MAP4K4: variants seen among roughly 807,000 people sequenced by gnomAD.
MAP4K4 encodes the protein HPK/GCK-like kinase HGK.
MAP4K4 carries 38 observed loss-of-function variants against 189.6 expected under a neutral mutation model. The ratio of observed to expected loss-of-function variants is 0.20; its 90% CI spans 0.15 to 0.26. MAP4K4 has a LOEUF of 0.26. Among genes scored for constraint, MAP4K4 ranks in the 10% least tolerant of loss-of-function variants. MAP4K4 has a pLI of 1.00. For synonymous variants in MAP4K4, 610 were observed against 624.3 expected, an observed-to-expected ratio of 0.98 and a Z score of 0.34; for missense variants, 1,054 against 1,726.9, an observed-to-expected ratio of 0.61 and a Z score of 6.91.
At chr2:101,840,848 A>G (rs890564604) in intron 10 of MAP4K4, among the ~76,000 whole-genome samples, 1 of 152,260 alleles carries the variant, frequency 6.6e-6, no homozygotes, top group Non-Finnish European at 1.5e-5. Flanking sequence ...TGGTATTCAT[A>G]GTTAAGTCAT....
chr2:101,767,749 C>T (rs1177491125), intron 2 of MAP4K4, among the ~76,000 whole-genome samples: 1 of 152,206 alleles, frequency 6.6e-6, no homozygotes, highest in Admixed American at 6.5e-5. Context: ...CTAACTGACA[C>T]CCAAGTGGAG....
At chr2:101,843,618 T>C (rs1412868681) in intron 11 of MAP4K4, among the ~76,000 whole-genome samples, 4 of 152,118 alleles carry the variant, frequency 2.6e-5, no homozygotes, top group Non-Finnish European at 4.4e-5. Context: ...GTGTAGTGGC[T>C]AATTCGTAGG....
intron 13 of MAP4K4, among the ~76,000 whole-genome samples, chr2:101,856,584 A>G (rs2149788067): frequency 6.6e-6 from 1 of 152,352 alleles, no homozygotes; most frequent in South Asian, 2.1e-4. Context: ...ATATATCAGC[A>G]TGTAATTCTG....
chr2:101,799,705 G>C (rs1055977834), intron 3 of MAP4K4, among the ~76,000 whole-genome samples: 2 of 151,968 alleles, frequency 1.3e-5, no homozygotes, highest in African/African-American at 4.8e-5. Context: ...GGGCTCAAGT[G>C]ATCCTCCTAC....
intron 21 of MAP4K4, among the ~76,000 whole-genome samples, chr2:101,868,624 C>G (rs1422476889): frequency 6.6e-6 from 1 of 152,146 alleles, no homozygotes; most frequent in East Asian, 1.9e-4. Context: ...CTGATGTTCC[C>G]TTTTATACGT....
intron 5 of MAP4K4, among the ~76,000 whole-genome samples, chr2:101,826,589 A>C (rs1403391094): frequency 6.6e-6 from 1 of 152,178 alleles, no homozygotes; most frequent in East Asian, 1.9e-4. Context: ...GGCCAGATGC[A>C]TTTATTCTAT....
intron 3 of MAP4K4, among the ~76,000 whole-genome samples, chr2:101,808,172 A>G (rs900812793): frequency 1.3e-5 from 2 of 152,204 alleles, no homozygotes; most frequent in African/African-American, 4.8e-5. Flanking sequence ...AAGAATGCCC[A>G]TGGCTCCTTA....
At chr2:101,704,129 A>T (rs1403926204) in intron 2 of MAP4K4, among the ~76,000 whole-genome samples, 1 of 152,180 alleles carries the variant, frequency 6.6e-6, no homozygotes, top group Non-Finnish European at 1.5e-5. Context: ...AATTGGAGGT[A>T]AAGACATCCA....
At chr2:101,724,706 G>A (rs1249059144) in intron 2 of MAP4K4, among the ~76,000 whole-genome samples, 1 of 152,126 alleles carries the variant, frequency 6.6e-6, no homozygotes, top group Non-Finnish European at 1.5e-5. Context: ...TGGGTGATTC[G>A]CCTTGAGAGA....
At chr2:101,773,125 C>G (rs1206906585) in intron 2 of MAP4K4, among the ~76,000 whole-genome samples, 1 of 152,158 alleles carries the variant, frequency 6.6e-6, no homozygotes, top group African/African-American at 2.4e-5. Context: ...CTAATGGACC[C>G]CAGCACTTCT....
chr2:101,726,550 G>GT (rs2055476181), intron 2 of MAP4K4, among the ~76,000 whole-genome samples: 1 of 152,150 alleles, frequency 6.6e-6, no homozygotes, highest in Non-Finnish European at 1.5e-5. Flanking sequence ...CTGATGGTTA[G>GT]TAAGTGGCCC....
At chr2:101,702,403 C>G (rs945654782) in intron 2 of MAP4K4, among the ~76,000 whole-genome samples, 3 of 151,878 alleles carry the variant, frequency 2.0e-5, no homozygotes, top group African/African-American at 7.3e-5. Flanking sequence ...CCCGTTTCTA[C>G]TAAAAATACC....
intron 2 of MAP4K4, among the ~76,000 whole-genome samples, chr2:101,719,027 A>G (rs2050167900): frequency 6.6e-6 from 1 of 152,208 alleles, no homozygotes; most frequent in Non-Finnish European, 1.5e-5. Context: ...TTGTGAACAG[A>G]TTACAACTTT....
chr2:101,699,640 G>A (rs1475214729), intron 2 of MAP4K4, among the ~76,000 whole-genome samples: 1 of 152,124 alleles, frequency 6.6e-6, no homozygotes, highest in Non-Finnish European at 1.5e-5. Flanking sequence ...CTTTTCTTAG[G>A]CTAGATTAAG....
intron 3 of MAP4K4, among the ~76,000 whole-genome samples, chr2:101,818,942 CCTCT>C (rs1461580484): frequency 2.0e-5 from 3 of 151,758 alleles, no homozygotes; most frequent in African/African-American, 7.3e-5. Flanking sequence ...ACTAAAAAGG[CCTCT>C]CTCTCCTCTT....
intron 2 of MAP4K4, among the ~76,000 whole-genome samples, chr2:101,724,708 C>T (rs2054245811): frequency 6.6e-6 from 1 of 152,096 alleles, no homozygotes; most frequent in Non-Finnish European, 1.5e-5. Context: ...GGTGATTCGC[C>T]TTGAGAGATT....
intron 2 of MAP4K4, among the ~76,000 whole-genome samples, chr2:101,753,564 A>G (rs2070413306): frequency 6.6e-6 from 1 of 152,126 alleles, no homozygotes; most frequent in African/African-American, 2.4e-5. Context: ...TCTAGCTATG[A>G]TTTATGAAAC....
rs1370886555 is a variant in MAP4K4 at position 101,845,844 on chromosome 2, C to T, written c.1233+1533C>T. 3.3e-5 allele frequency among the ~76,000 whole-genome samples: 5 copies of T among 149,992 alleles called. No homozygotes were observed. The East Asian group carries it at 7.7e-4, about 23-fold the overall frequency. On this transcript the variant is annotated intron_variant, in intron 12 of 32. Coordinates refer to ENST00000324219, the Ensembl canonical transcript of MAP4K4. Reference sequence around the variant, plus strand: ...TAATTCACAGACATTATTGTTTTACCTTTTTTCCCCCAGAAAAATGGGCCA... The same window carrying T: ...TAATTCACAGACATTATTGTTTTACTTTTTTTCCCCCAGAAAAATGGGCCA...
chr2:101,771,183 G>A (rs184145412), intron 2 of MAP4K4, among the ~76,000 whole-genome samples: 1 of 152,320 alleles, frequency 6.6e-6, no homozygotes, highest in African/African-American at 2.4e-5. Context: ...TTGGGGGATG[G>A]TGGAGGGGAG....
Sources: allele counts gnomAD v4.1 joint callset (sites outside exome capture counted in the v4.1 genomes callset), GRCh38; gene constraint gnomAD v4.1.1; transcripts MANE v1.5; gene names NCBI Gene and HGNC (gene_info 2026-07-23, HGNC 2026-07-21).